BTBD10: variants seen among roughly 807,000 people sequenced by gnomAD.
BTBD10 encodes BTB domain containing 10, also known as BTB/POZ domain-containing protein 10.
A neutral mutation model predicts 53.2 loss-of-function variants in BTBD10; 21 were observed. The ratio of observed to expected loss-of-function variants is 0.39; its 90% confidence interval spans 0.28 to 0.57. BTBD10 has a LOEUF of 0.57. Ranked by LOEUF, BTBD10 falls within the 20% of genes least tolerant of loss-of-function variation. The pLI is 0.53. For synonymous variants in BTBD10, 149 were observed against 192.7 expected (o/e 0.77, Z 1.88); for missense variants, 360 against 594.7 (o/e 0.61, Z 4.10).
intron 2 of BTBD10, among the ~76,000 whole-genome samples, chr11:13,431,229 T>C (rs988846139): frequency 6.6e-6 from 1 of 151,926 alleles, no homozygotes; most frequent in Non-Finnish European, 1.5e-5. Context: ...CATCCTCTTG[T>C]TGTAATATGG....
intron 6 of BTBD10, among the ~76,000 whole-genome samples, chr11:13,408,505 C>T (rs1949874192): frequency 6.6e-6 from 1 of 152,152 alleles, no homozygotes; most frequent in African/African-American, 2.4e-5. Context: ...ATATCTAACC[C>T]ACATTTCTCT....
intron 2 of BTBD10, among the ~76,000 whole-genome samples, chr11:13,442,239 A>T (rs1461194526): frequency 6.6e-6 from 1 of 152,188 alleles, no homozygotes; most frequent in Non-Finnish European, 1.5e-5. Context: ...CAAAAAAGGA[A>T]TGAGAGTAGG....
At chr11:13,446,828 CA>C (rs1323364296) in intron 1 of BTBD10, among the ~76,000 whole-genome samples, 3 of 151,710 alleles carry the variant, frequency 2.0e-5, no homozygotes, top group African/African-American at 4.8e-5. Flanking sequence ...GTATTCATTA[CA>C]AAAAAACTTA....
At chr11:13,455,712 G>A (rs1443362387) in intron 1 of BTBD10, among the ~76,000 whole-genome samples, 1 of 152,168 alleles carries the variant, frequency 6.6e-6, no homozygotes, top group African/African-American at 2.4e-5. Context: ...TGCTCCTGAA[G>A]CTGATGCCTA....
At chr11:13,405,135 A>G (rs1260476917) in intron 7 of BTBD10, among the ~76,000 whole-genome samples, 1 of 152,196 alleles carries the variant, frequency 6.6e-6, no homozygotes, top group Non-Finnish European at 1.5e-5. Flanking sequence ...GAAATGCCCA[A>G]AAGAACTATA....
At chr11:13,392,339 A>T (rs957467702) in intron 8 of BTBD10, among the ~76,000 whole-genome samples, 4 of 152,148 alleles carry the variant, frequency 2.6e-5, no homozygotes, top group African/African-American at 9.7e-5. Flanking sequence ...CAGACAGAGT[A>T]TCATTCTAAG....
intron 2 of BTBD10, among the ~76,000 whole-genome samples, chr11:13,432,007 C>A (rs1040179141): frequency 1.3e-5 from 2 of 151,852 alleles, no homozygotes; most frequent in South Asian, 2.1e-4. Context: ...TACAGCCATA[C>A]CATAGAATAT....
At chr11:13,390,253 A>G (rs1019896261) in intron 8 of BTBD10, among the ~76,000 whole-genome samples, 3 of 152,200 alleles carry the variant, frequency 2.0e-5, no homozygotes, top group Non-Finnish European at 4.4e-5. Flanking sequence ...TCAGGCTTGT[A>G]GGCCACATGG....
intron 8 of BTBD10, among the ~76,000 whole-genome samples, chr11:13,397,124 T>G (rs1380254279): frequency 6.6e-6 from 1 of 152,228 alleles, no homozygotes; most frequent in Non-Finnish European, 1.5e-5. Flanking sequence ...TGGTACCAGC[T>G]CCTCCTTGTA....
At chr11:13,408,916 A>G (rs1949882907) in intron 6 of BTBD10, among the ~76,000 whole-genome samples, 1 of 152,202 alleles carries the variant, frequency 6.6e-6, no homozygotes, top group Non-Finnish European at 1.5e-5. Context: ...ACCTTAAGTC[A>G]GGTCAGGATT....
chr11:13,395,386 GGTT>G (rs1401757645), intron 8 of BTBD10, among the ~76,000 whole-genome samples: 3 of 151,876 alleles, frequency 2.0e-5, no homozygotes, highest in Non-Finnish European at 2.9e-5. Context: ...TTTTTGATGG[GGTT>G]GTTTTTTTCT....
chr11:13,416,731 C>T (rs573967613), intron 5 of BTBD10, among the ~76,000 whole-genome samples: 181 of 152,244 alleles, frequency 1.2e-3, no homozygotes, highest in African/African-American at 4.3e-3. Context: ...AATCCCAGCA[C>T]TTTGGGAGGC....
At chr11:13,431,885 C>T (rs1445918585) in intron 2 of BTBD10, among the ~76,000 whole-genome samples, 2 of 151,986 alleles carry the variant, frequency 1.3e-5, no homozygotes, top group East Asian at 3.9e-4. Flanking sequence ...GAGACTCCTA[C>T]AAGGGGAAAA....
chr11:13,432,415 A>G (rs1407767941), intron 2 of BTBD10, among the ~76,000 whole-genome samples: 1 of 152,188 alleles, frequency 6.6e-6, no homozygotes, highest in Non-Finnish European at 1.5e-5. Context: ...TATTGTACTC[A>G]CGTCAGTTTC....
At chr11:13,403,474 T>C (rs1949753845) in intron 7 of BTBD10, among the ~76,000 whole-genome samples, 196 bp from the exon 8 acceptor site, 2 of 152,096 alleles carry the variant, frequency 1.3e-5, no homozygotes, top group African/African-American at 4.8e-5. Context: ...TCTACTTAAG[T>C]GGAAACAAGA....
intron 8 of BTBD10, among the ~76,000 whole-genome samples, chr11:13,401,843 A>G (rs958699498): frequency 6.6e-6 from 1 of 152,172 alleles, no homozygotes; most frequent in South Asian, 2.1e-4. Flanking sequence ...ACTAACTTTC[A>G]GACCAACTAT....
intron 2 of BTBD10, chr11:13,440,294 C>T: frequency 8.6e-7 from 1 of 1,162,876 alleles, no homozygotes; most frequent in Non-Finnish European, 1.1e-6. Flanking sequence ...TGTGATCGTC[C>T]CATTTCTCCA....
intron 8 of BTBD10, 39 bp from the exon 9 acceptor site, chr11:13,389,180 C>T: frequency 6.5e-7 from 1 of 1,547,026 alleles, no homozygotes; most frequent in East Asian, 2.3e-5. Flanking sequence ...AGGAGACACA[C>T]ACAGACCTCT....
intron 8 of BTBD10, among the ~76,000 whole-genome samples, chr11:13,402,294 A>T (rs540712047): frequency 6.6e-6 from 1 of 152,332 alleles, no homozygotes; most frequent in African/African-American, 2.4e-5. Context: ...TATTATCTTC[A>T]TTATCACCAT....
Sources: gnomAD v4.1 joint callset for allele counts (sites outside exome capture counted in the v4.1 genomes callset) on GRCh38, gnomAD v4.1.1 for gene constraint, MANE v1.5 for transcripts, NCBI Gene and HGNC (gene_info 2026-07-23, HGNC 2026-07-21) for gene names.